The following DLG3 variants were observed in gnomAD, a reference collection of about 807,000 sequenced individuals.
DLG3 encodes disks large homolog 3.
A neutral mutation model predicts 64.1 loss-of-function variants in DLG3; 1 was observed. The observed-to-expected ratio is 0.02, with a 90% CI of 0.01 to 0.07. The LOEUF is 0.07. DLG3 is among the 10% of genes least tolerant of loss of function. DLG3 has a pLI of 1.00. For missense variants in DLG3, 429 were observed against 669.5 expected, an observed-to-expected ratio of 0.64 and a Z score of 3.96; for synonymous variants, 245 against 259.8, an observed-to-expected ratio of 0.94 and a Z score of 0.55.
intron 9 of DLG3, among the ~76,000 whole-genome samples, chrX:70,472,270 C>T (rs990956256): frequency 3.6e-5 from 4 of 112,225 alleles, no homozygotes; most frequent in African/African-American, 9.7e-5. Context: ...AAAATTTTCT[C>T]GGCTGGGTGC....
chrX:70,471,634 G>A (rs928414354), intron 9 of DLG3, among the ~76,000 whole-genome samples: 6 of 111,700 alleles, frequency 5.4e-5, no homozygotes, highest in African/African-American at 1.9e-4. Context: ...CATTATGGCT[G>A]ATATTATCCC....
At chrX:70,462,845 C>T (rs947406999) in intron 9 of DLG3, among the ~76,000 whole-genome samples, 4 of 111,426 alleles carry the variant, frequency 3.6e-5, no homozygotes, top group African/African-American at 1.3e-4. Context: ...TTAGGCCCAG[C>T]CCTGTTCTAT....
chrX:70,456,671 T>C (rs2086713259), intron 9 of DLG3, among the ~76,000 whole-genome samples: 2 of 111,926 alleles, frequency 1.8e-5, no homozygotes, highest in African/African-American at 6.5e-5. Context: ...TGAACCACTG[T>C]TGTTAAGGCT....
intron 10 of DLG3, among the ~76,000 whole-genome samples, chrX:70,481,447 A>C (rs1351626852): frequency 1.8e-5 from 2 of 112,276 alleles, no homozygotes; most frequent in Non-Finnish European, 3.8e-5. Flanking sequence ...AAACAGAGGA[A>C]AATGGGGCTC....
At chrX:70,458,204 G>A (rs1321159157) in intron 9 of DLG3, among the ~76,000 whole-genome samples, 1 of 110,808 alleles carries the variant, frequency 9.0e-6, no homozygotes, top group Non-Finnish European at 1.9e-5. Flanking sequence ...TAGAGATAGG[G>A]GTTTGCCATG....
At chrX:70,501,346 G>A (rs1280004174) in intron 18 of DLG3, among the ~76,000 whole-genome samples, 2 of 109,073 alleles carry the variant, frequency 1.8e-5, no homozygotes, top group East Asian at 2.8e-4. Flanking sequence ...CTGAATAAAC[G>A]TTTGTTGATG....
At chrX:70,456,087 A>C (rs2086702553) in intron 9 of DLG3, 1 of 112,196 alleles carries the variant, frequency 8.9e-6, no homozygotes, top group Admixed American at 9.4e-5. Flanking sequence ...CAGGAGAGAG[A>C]GCTTGTTGGT....
At chrX:70,495,010 C>T (rs2087428591) in intron 12 of DLG3, among the ~76,000 whole-genome samples, 2 of 112,041 alleles carry the variant, frequency 1.8e-5, no homozygotes, top group East Asian at 5.6e-4. Flanking sequence ...GACCTGGGCT[C>T]CACAACCAAA....
At chrX:70,495,508 G>A in intron 13 of DLG3, 55 bp downstream of exon 13, 5 of 1,122,365 alleles carry the variant, frequency 4.5e-6, no homozygotes, top group Non-Finnish European at 6.1e-6. Context: ...GGAGATAGTG[G>A]GGGTGGGGCT....
intron 10 of DLG3, among the ~76,000 whole-genome samples, chrX:70,488,602 T>C: frequency 8.9e-6 from 1 of 112,182 alleles, no homozygotes; most frequent in East Asian, 2.8e-4. Context: ...TGGGAATGAT[T>C]AGCCTGGTAG....
chrX:70,499,737 G>T, intron 15 of DLG3, 140 bp from the exon 16 acceptor site: 1 of 579,528 alleles, frequency 1.7e-6, no homozygotes, highest in Non-Finnish European at 2.9e-6. Flanking sequence ...CTTCCCAACT[G>T]CTTGTTTTCT....
At chrX:70,501,051 G>A in intron 18 of DLG3, 62 bp downstream of exon 18, 2 of 883,822 alleles carry the variant, frequency 2.3e-6, no homozygotes, top group Non-Finnish European at 3.3e-6. Flanking sequence ...GTTTCTATAA[G>A]TGTCTCAAAG....
chrX:70,495,375 T>C (rs750197606), intron 12 of DLG3, 33 bp from the exon 13 acceptor site: 1 of 1,202,427 alleles, frequency 8.3e-7, no homozygotes, highest in Non-Finnish European at 1.1e-6. Flanking sequence ...CTCCCCGTCG[T>C]CCTCTCTCCG....
chrX:70,488,782 A>T (rs2087303716), intron 10 of DLG3, among the ~76,000 whole-genome samples: 2 of 112,309 alleles, frequency 1.8e-5, no homozygotes, highest in Non-Finnish European at 3.8e-5. Flanking sequence ...ATAGAAAAGG[A>T]AATTCTTGTT....
At chrX:70,466,303 T>C (rs1302869296) in intron 9 of DLG3, among the ~76,000 whole-genome samples, 1 of 105,445 alleles carries the variant, frequency 9.5e-6, no homozygotes, top group Non-Finnish European at 1.9e-5. Context: ...GTGGATTGCC[T>C]GTTCATACCC....
At chrX:70,453,544 C>T (rs4844223) in intron 7 of DLG3, 93 bp from the exon 8 acceptor site, 1 of 1,151,443 alleles carries the variant, frequency 8.7e-7, no homozygotes, top group Non-Finnish European at 1.2e-6. Context: ...TCCTTACTCC[C>T]TACAGCAAGT....
At chrX:70,479,127 C>G (rs1403674067) in intron 9 of DLG3, 23 bp from the exon 10 acceptor site, 1 of 1,181,695 alleles carries the variant, frequency 8.5e-7, no homozygotes, top group African/African-American at 1.8e-5. Context: ...CTTTTCCCAT[C>G]TTTTCCCTTG....
chrX:70,492,359 T>C, intron 11 of DLG3, 76 bp downstream of exon 11: 1 of 1,169,109 alleles, frequency 8.6e-7, no homozygotes, highest in Non-Finnish European at 1.2e-6. Context: ...CTATTAGAAG[T>C]TGCTTGAGAG....
intron 10 of DLG3, among the ~76,000 whole-genome samples, chrX:70,490,243 C>G (rs1203961759): frequency 8.9e-6 from 1 of 112,220 alleles, no homozygotes; most frequent in Non-Finnish European, 1.9e-5. Context: ...CTTTTCCTTA[C>G]TATATTTGTT....
Sources: gnomAD v4.1 joint callset for allele counts (sites outside exome capture counted in the v4.1 genomes callset) on GRCh38, gnomAD v4.1.1 for gene constraint, MANE v1.5 for transcripts, NCBI Gene and HGNC (gene_info 2026-07-23, HGNC 2026-07-21) for gene names.